UBXN7: variants seen among roughly 807,000 people sequenced by gnomAD.
The protein encoded by UBXN7 is UBX domain-containing protein 7.
Under a neutral mutation model 58.0 loss-of-function variants are expected in UBXN7, and 9 were observed. The ratio of observed to expected loss-of-function variants is 0.16; its 90% confidence interval spans 0.09 to 0.27. The LOEUF is 0.27. Among genes scored for constraint, UBXN7 ranks in the 10% least tolerant of loss-of-function variants. UBXN7 has a pLI of 1.00. For synonymous variants in UBXN7, 208 were observed against 205.0 expected, an observed-to-expected ratio of 1.01 and a Z score of -0.12; for missense variants, 328 against 599.6, an observed-to-expected ratio of 0.55 and a Z score of 4.73.
intron 5 of UBXN7, among the ~76,000 whole-genome samples, chr3:196,380,584 G>C (rs545368073): frequency 6.6e-6 from 1 of 152,240 alleles, no homozygotes; most frequent in Non-Finnish European, 1.5e-5. Context: ...GACGATTTCT[G>C]CATTTCCAAC....
At chr3:196,366,003 AG>A (rs902122747) in intron 8 of UBXN7, among the ~76,000 whole-genome samples, 13 of 152,206 alleles carry the variant, frequency 8.5e-5, no homozygotes, top group Non-Finnish European at 1.9e-4. Flanking sequence ...TACCAAAAGC[AG>A]AAAACGACAT....
At chr3:196,379,853 C>G (rs1052939767) in intron 5 of UBXN7, among the ~76,000 whole-genome samples, 1 of 151,852 alleles carries the variant, frequency 6.6e-6, no homozygotes, top group African/African-American at 2.4e-5. Context: ...CTTCTGTGGT[C>G]GCCAGAATGA....
intron 1 of UBXN7, among the ~76,000 whole-genome samples, chr3:196,411,862 T>C (rs1730338799): frequency 1.3e-5 from 2 of 152,124 alleles, no homozygotes; most frequent in Admixed American, 6.5e-5. Flanking sequence ...CCTTTTCTGA[T>C]AGCTGATAAA....
chr3:196,369,120 A>G (rs1334828947), intron 7 of UBXN7, among the ~76,000 whole-genome samples: 2 of 152,092 alleles, frequency 1.3e-5, no homozygotes, highest in African/African-American at 4.8e-5. Flanking sequence ...CACCACGCCC[A>G]GCTGGTAAAA....
In UBXN7 at chr3:196,432,218, T is replaced by A. The variant is rs764993347; in HGVS notation, c.73+109A>T. The A allele has an allele frequency of 3.4e-6, 5 of 1,459,914 alleles. No homozygotes were observed. In the East Asian group the frequency reaches 1.2e-4, roughly 35 times the overall value. The allele number at this position is 1,459,914 out of a possible 1,614,324, so 90.4% of individuals were successfully genotyped here. A position where few individuals can be genotyped will look rare whatever the true frequency, so the allele number is the denominator to read the frequency against. On this transcript the variant is annotated intron_variant, in intron 1 of 10. Transcript: ENST00000296328. ...CTTCCTCAGGAGGGAGGACGGCAGC[T>A]GTGGGTAAAGCCCGAAGGAGGAATG...
intron 1 of UBXN7, among the ~76,000 whole-genome samples, chr3:196,423,137 C>A (rs1730738357): frequency 6.6e-6 from 1 of 152,256 alleles, no homozygotes; most frequent in Non-Finnish European, 1.5e-5. Context: ...CCAGAGGACA[C>A]AACAGCCCAA....
At chr3:196,401,298 TAC>T (rs71630187) in intron 3 of UBXN7, among the ~76,000 whole-genome samples, 99 of 61,656 alleles carry the variant, frequency 1.6e-3, no homozygotes, top group Middle Eastern at 0.014. Context: ...TATATATATA[TAC>T]ACACACACAC....
At chr3:196,417,958 C>T (rs1271203404) in intron 1 of UBXN7, among the ~76,000 whole-genome samples, 4 of 151,410 alleles carry the variant, frequency 2.6e-5, no homozygotes. Flanking sequence ...CATTAAAGAA[C>T]TTGGGATACC....
chr3:196,354,932 A>G lies in UBXN7; in HGVS notation c.*1753T>C, dbSNP rs1728304241. The G allele has an allele frequency of 6.6e-6, 1 of 152,030 alleles. No homozygotes were observed. The highest frequency in any genetic ancestry group is 6.5e-5 in the Admixed American group (1 of 15,276). 9.4% of individuals were successfully genotyped at this position (152,030 alleles called of 1,614,324 possible). ...AAAAAAATTTAAGAACATTAATTCA[A>G]AAGGACTCACTGAAGAATAAACAGA... On this transcript the variant is annotated 3_prime_UTR_variant, in exon 11 of 11. Transcript: ENST00000296328.
At chr3:196,369,640 A>G in intron 6 of UBXN7, 129 bp from the exon 7 acceptor site, 2 of 629,150 alleles carry the variant, frequency 3.2e-6, no homozygotes, top group Non-Finnish European at 5.4e-6. Flanking sequence ...TCTCACTCCT[A>G]CACTAAAAAG....
chr3:196,377,377 A>G (rs908500582), intron 5 of UBXN7, among the ~76,000 whole-genome samples: 1 of 152,168 alleles, frequency 6.6e-6, no homozygotes, highest in African/African-American at 2.4e-5. Flanking sequence ...CATCGTTCGC[A>G]TTCCCTCGCT....
intron 5 of UBXN7, among the ~76,000 whole-genome samples, chr3:196,385,792 G>A (rs940116258): frequency 2.8e-5 from 4 of 145,382 alleles, no homozygotes; most frequent in East Asian, 2.0e-4. Flanking sequence ...TCTGGGAAGT[G>A]GGGGGGGTGG....
intron 5 of UBXN7, among the ~76,000 whole-genome samples, chr3:196,385,799 G>T (rs1577451484): frequency 6.8e-6 from 1 of 146,928 alleles, no homozygotes; most frequent in South Asian, 2.2e-4. Context: ...AGTGGGGGGG[G>T]TGGGGGCGCC....
At chr3:196,367,493 C>T (rs1016917201) in intron 8 of UBXN7, among the ~76,000 whole-genome samples, 2 of 152,164 alleles carry the variant, frequency 1.3e-5, no homozygotes, top group Admixed American at 6.5e-5. Context: ...TTCCAGCCGG[C>T]TGTGGTGGCA....
intron 7 of UBXN7, among the ~76,000 whole-genome samples, chr3:196,368,683 T>G (rs1728736364): frequency 6.6e-6 from 1 of 152,186 alleles, no homozygotes; most frequent in African/African-American, 2.4e-5. Flanking sequence ...TACTGCCATT[T>G]AGGAAGAAGA....
rs1377739541 is a variant in UBXN7 at position 196,349,765 on chromosome 3, GGTCA to G, written c.*6916_*6919del. Reference sequence around the variant, plus strand: ...TTAAGAAAGGGGGAATTCAATTCCAGGTCAGAATTTATCTAATGATTTGATATGT... The same window carrying G: ...TTAAGAAAGGGGGAATTCAATTCCAGGAATTTATCTAATGATTTGATATGT... On this transcript the variant is annotated 3_prime_UTR_variant, in exon 11 of 11. Coordinates refer to ENST00000296328, the MANE Select transcript of UBXN7 (RefSeq NM_015562.2). 6.6e-6 allele frequency: 1 copy of G among 152,150 alleles called. No homozygotes were observed. Among genetic ancestry groups the G allele is most frequent in the Non-Finnish European group, 1.5e-5 (1 of 68,026 alleles). The allele number at this position is 152,150 out of a possible 1,614,324, so 9.4% of individuals were successfully genotyped here.
chr3:196,391,202 G>A (rs1040352808), intron 5 of UBXN7, among the ~76,000 whole-genome samples: 1 of 152,052 alleles, frequency 6.6e-6, no homozygotes, highest in Non-Finnish European at 1.5e-5. Context: ...AAAGATATAT[G>A]AACAAGTGAG....
At chr3:196,417,165 T>A (rs983928718) in intron 1 of UBXN7, among the ~76,000 whole-genome samples, 48 of 151,932 alleles carry the variant, frequency 3.2e-4, no homozygotes, top group Admixed American at 2.6e-4. Flanking sequence ...TACAAAAAAT[T>A]AGCCGGGCGT....
intron 3 of UBXN7, among the ~76,000 whole-genome samples, chr3:196,399,185 G>A (rs891221117): frequency 6.6e-6 from 1 of 152,126 alleles, no homozygotes; most frequent in Non-Finnish European, 1.5e-5. Flanking sequence ...AGTGCTTTGT[G>A]CATACATCCT....
Sources: allele counts gnomAD v4.1 joint callset (sites outside exome capture counted in the v4.1 genomes callset), GRCh38; gene constraint gnomAD v4.1.1; transcripts MANE v1.5; gene names NCBI Gene and HGNC (gene_info 2026-07-23, HGNC 2026-07-21).